CTCFL: variants seen among roughly 807,000 people sequenced by gnomAD.
CTCFL encodes transcriptional repressor CTCFL.
CTCFL carries 36 observed loss-of-function variants against 67.4 expected under a neutral mutation model. The observed-to-expected ratio is 0.53, with a 90% CI of 0.41 to 0.71. The LOEUF is 0.71. Among genes scored for constraint, CTCFL ranks in the 30% least tolerant of loss-of-function variants. The pLI is 0.00. For missense variants in CTCFL, 786 were observed against 835.2 expected (o/e 0.94, Z 0.73); for synonymous variants, 324 against 302.3 (o/e 1.07, Z -0.75).
intron 7 of CTCFL, among the ~76,000 whole-genome samples, chr20:57,514,388 T>C (rs1426698899): frequency 6.6e-6 from 1 of 152,160 alleles, no homozygotes; most frequent in Admixed American, 6.5e-5. Flanking sequence ...TGGGCCCGGA[T>C]TCTAAAAACA....
At position 57,524,229 on chromosome 20, in the gene CTCFL, T is replaced by A; in HGVS notation, c.-11-13A>T. The A allele has an allele frequency of 6.3e-7, 1 of 1,592,380 alleles. No homozygotes were observed. On this transcript the variant is annotated splice_polypyrimidine_tract_variant and intron_variant, in intron 1 of 10. Coordinates refer to ENST00000243914, the MANE Select transcript of CTCFL (RefSeq NM_001386993.1). ...ATAATGACTTGGCCTGTTTGAAAAA[T>A]AAGCAAGCGGTTTCCATAGGGGGGA...
At chr20:57,520,365 C>T (rs1020605571) in intron 3 of CTCFL, among the ~76,000 whole-genome samples, 1 of 152,208 alleles carries the variant, frequency 6.6e-6, no homozygotes, top group Non-Finnish European at 1.5e-5. Context: ...CCTACAAAGA[C>T]TTCAGATGTT....
At chr20:57,513,801 A>AT in intron 7 of CTCFL, 1 of 1,277,016 alleles carries the variant, frequency 7.8e-7, no homozygotes, top group Non-Finnish European at 1.0e-6. Context: ...CTGCTAACAT[A>AT]TTTTTGTGTA....
chr20:57,499,823 A>G, intron 10 of CTCFL: 1 of 256,176 alleles, frequency 3.9e-6, no homozygotes, highest in Non-Finnish European at 6.1e-6. Flanking sequence ...CTGATCTGAC[A>G]GGAGGCGGAG....
intron 3 of CTCFL, 45 bp downstream of exon 3, chr20:57,523,023 C>T: frequency 6.8e-7 from 1 of 1,471,942 alleles, no homozygotes; most frequent in Non-Finnish European, 9.3e-7. Context: ...AGAAAAACAG[C>T]AGCCCAGTTT....
At chr20:57,514,939 C>A in intron 6 of CTCFL, 198 bp from the exon 7 acceptor site, 1 of 585,492 alleles carries the variant, frequency 1.7e-6, no homozygotes, top group South Asian at 2.3e-5. Context: ...CATGATGGAC[C>A]AGAGACATGA....
In CTCFL at chr20:57,502,712, G is replaced by A. The variant is rs147589251; in HGVS notation, c.1840+724C>T. Among the ~76,000 whole-genome samples, 1,423 of 152,282 alleles carry A rather than the reference G, an allele frequency of 9.3e-3. 19 individuals carry two copies. The highest frequency in any genetic ancestry group is 0.032 in the African/African-American group (1,323 of 41,550). ...GCCATTCACAGGACACACAGGACAG[G>A]GCCCAGCTTCAGCCAACCTGGGAAC... On this transcript the variant is annotated intron_variant, in intron 10 of 10. Coordinates refer to ENST00000243914, the MANE Select transcript of CTCFL (RefSeq NM_001386993.1).
chr20:57,515,917 TTTAAA>T lies in CTCFL; in HGVS notation c.1060-88_1060-84del, dbSNP rs1263248726. 7 of 1,427,478 alleles carry T rather than the reference TTTAAA, an allele frequency of 4.9e-6. No individual in the cohort carries two copies. In the Admixed American group the frequency reaches 8.9e-5, roughly 18 times the overall value. 88.4% of individuals were successfully genotyped at this position (1,427,478 alleles called of 1,614,324 possible). ...CCATTAATCAGCATTGTAAAAGAGA[TTTAAA>T]TTAATCATATTTTAACATCAGAGCA... On this transcript the variant is annotated intron_variant, in intron 5 of 10. Transcript: ENST00000243914.
Position 57,498,195 on chromosome 20 carries a change from G to A in CTCFL, c.*355C>T, listed in dbSNP as rs761207418. 1.0e-6 allele frequency: 1 copy of A among 999,738 alleles called. No individual in the cohort carries two copies. 61.9% of individuals were successfully genotyped at this position (999,738 alleles called of 1,614,324 possible). A position where few individuals can be genotyped will look rare whatever the true frequency, so the allele number is the denominator to read the frequency against. On this transcript the variant is annotated 3_prime_UTR_variant, in exon 11 of 11. Transcript: ENST00000243914. ...CAAAAATCACTACTCACTCATTGTG[G>A]GCCACCTTGCCAATATCAAGTGAAT...
Position 57,524,322 on chromosome 20 carries a change from G to A in CTCFL, c.-11-106C>T. Reference sequence around the variant, plus strand: ...TAGCAGGCTTTGGAGTTGAAACAAGGTCTGGCCTCAAAAGGTTTTGGACTT... The same window carrying A: ...TAGCAGGCTTTGGAGTTGAAACAAGATCTGGCCTCAAAAGGTTTTGGACTT... On this transcript the variant is annotated intron_variant, in intron 1 of 10. Transcript: ENST00000243914. 2.0e-6 allele frequency: 3 copies of A among 1,510,040 alleles called. No homozygotes were observed. The South Asian group carries it at 4.0e-5, about 20-fold the overall frequency. The allele number at this position is 1,510,040 out of a possible 1,614,324, so 93.5% of individuals were successfully genotyped here.
intron 9 of CTCFL, chr20:57,507,862 T>A (rs2068301220): frequency 4.3e-6 from 3 of 702,912 alleles, no homozygotes; most frequent in Non-Finnish European, 7.8e-6. Context: ...CAGAAATAGA[T>A]AACTAATACA....
intron 5 of CTCFL, 162 bp downstream of exon 5, chr20:57,518,591 CTATTT>C: frequency 2.7e-6 from 4 of 1,489,646 alleles, no homozygotes; most frequent in Non-Finnish European, 3.6e-6. Context: ...ATCCAATTTT[CTATTT>C]TAACTTCATA....
chr20:57,520,511 G>C (rs1181068004), intron 3 of CTCFL, among the ~76,000 whole-genome samples: 1 of 152,152 alleles, frequency 6.6e-6, no homozygotes, highest in African/African-American at 2.4e-5. Flanking sequence ...GAAGCTTCCA[G>C]CAACCAGGGG....
rs745472249 is a variant in CTCFL at position 57,516,521 on chromosome 20, A to G, written c.1060-687T>C. Among the ~76,000 whole-genome samples the G allele has an allele frequency of 2.0e-5, 3 of 152,204 alleles. No individual in the cohort carries two copies. The East Asian group carries it at 5.8e-4, about 29-fold the overall frequency. On this transcript the variant is annotated intron_variant, in intron 5 of 10. Coordinates refer to ENST00000243914, the MANE Select transcript of CTCFL (RefSeq NM_001386993.1). ...CACTGCACTCCAACCAGGGTAACAG[A>G]GTCAGACCATGTCTCAAAAAAAATA...
chr20:57,509,062 G>A (rs913036210), intron 8 of CTCFL, among the ~76,000 whole-genome samples: 13 of 152,146 alleles, frequency 8.5e-5, no homozygotes, highest in African/African-American at 2.9e-4. Context: ...AGTACACACC[G>A]CAGGGCGTGA....
At chr20:57,510,673 C>T (rs893791709) in intron 8 of CTCFL, among the ~76,000 whole-genome samples, 4 of 152,090 alleles carry the variant, frequency 2.6e-5, no homozygotes, top group Admixed American at 2.0e-4. Context: ...ACCATCCTGG[C>T]TAACATGGTG....
At position 57,498,428 on chromosome 20, in the gene CTCFL, A is replaced by G. The variant is rs1300181879; in HGVS notation, c.*122T>C. ...TTGCTTTAGGAATTAGGGGCAGTGAACATGCAACCTGACTCTCTCTCACTT... is the reference window on the plus strand; with the variant it reads ...TTGCTTTAGGAATTAGGGGCAGTGAGCATGCAACCTGACTCTCTCTCACTT... On this transcript the variant is annotated 3_prime_UTR_variant, in exon 11 of 11. Transcript: ENST00000243914. 1 of 1,460,168 alleles carries G rather than the reference A, an allele frequency of 6.8e-7. No individual in the cohort carries two copies. Among genetic ancestry groups the G allele is most frequent in the Non-Finnish European group, 9.1e-7 (1 of 1,103,830 alleles). The allele number at this position is 1,460,168 out of a possible 1,614,324, so 90.5% of individuals were successfully genotyped here.
intron 9 of CTCFL, among the ~76,000 whole-genome samples, chr20:57,504,733 C>G (rs1355190594): frequency 6.6e-6 from 1 of 151,896 alleles, no homozygotes; most frequent in Non-Finnish European, 1.5e-5. Flanking sequence ...TCTTAATTTC[C>G]TCCTGAGAGG....
chr20:57,523,322 TATA>T (rs2069540178), intron 2 of CTCFL, 44 bp from the exon 3 acceptor site: 5 of 1,551,642 alleles, frequency 3.2e-6, no homozygotes, highest in Non-Finnish European at 4.4e-6. Flanking sequence ...TTGATTTCAG[TATA>T]ATTAGACTTT....
Sources: allele counts gnomAD v4.1 joint callset (sites outside exome capture counted in the v4.1 genomes callset), GRCh38; gene constraint gnomAD v4.1.1; transcripts MANE v1.5; gene names NCBI Gene and HGNC (gene_info 2026-07-23, HGNC 2026-07-21).